ZBTB46: variants seen among roughly 807,000 people sequenced by gnomAD.
The protein encoded by ZBTB46 is zinc finger and BTB domain-containing protein 46.
In ZBTB46, 8 loss-of-function variants were observed where a neutral mutation model predicts 44.1. The observed-to-expected ratio is 0.18, with a 90% confidence interval of 0.11 to 0.33. The LOEUF (loss-of-function observed/expected upper bound fraction) is 0.33. Among genes scored for constraint, ZBTB46 ranks in the 10% least tolerant of loss-of-function variants. The pLI, the probability that ZBTB46 is intolerant of heterozygous loss-of-function variation, is 1.00. For missense variants in ZBTB46, 651 were observed against 847.7 expected (o/e 0.77, Z 2.88); for synonymous variants, 409 against 382.3 (o/e 1.07, Z -0.81).
In ZBTB46 at chr20:63,745,824, AAAAG is replaced by A. The variant is rs1395701346; in HGVS notation, c.*1102_*1105del. 3 of 152,520 alleles carry A rather than the reference AAAAG, an allele frequency of 2.0e-5. No homozygotes were observed. Among genetic ancestry groups the A allele is most frequent in the South Asian group, 2.1e-4 (1 of 4,832 alleles). 9.4% of individuals were successfully genotyped at this position (152,520 alleles called of 1,614,324 possible). On this transcript the variant is annotated 3_prime_UTR_variant, in exon 5 of 5. Coordinates refer to ENST00000245663, the MANE Select transcript of ZBTB46 (RefSeq NM_001369741.1). ...GTGGGACCTTTGCTTTTCACTCAGG[AAAAG>A]AAAGAACATGTGAGTGCTTCTGAAA...
chr20:63,764,517 G>A lies in ZBTB46; in HGVS notation c.1222+11161C>T, dbSNP rs558649811. On this transcript the variant is annotated intron_variant, in intron 3 of 4. Coordinates refer to ENST00000245663, the MANE Select transcript of ZBTB46 (RefSeq NM_001369741.1). ...ATCTTTTGCTTTCCAGTACTTCAAA[G>A]ACGTCATTCATTGTCTTCTAGCTTC... 2.6e-5 allele frequency among the ~76,000 whole-genome samples: 4 copies of A among 152,154 alleles called. No homozygotes were observed. The South Asian group carries it at 8.3e-4, about 32-fold the overall frequency.
chr20:63,751,169 A>G (rs922325600), intron 4 of ZBTB46, among the ~76,000 whole-genome samples: 1 of 127,340 alleles, frequency 7.9e-6, no homozygotes, highest in Non-Finnish European at 1.6e-5. Context: ...TTGTAAGATC[A>G]GCCCTGTGGC....
chr20:63,759,507 G>A (rs985253790), intron 3 of ZBTB46, among the ~76,000 whole-genome samples: 1 of 152,184 alleles, frequency 6.6e-6, no homozygotes, highest in Non-Finnish European at 1.5e-5. Flanking sequence ...TCACAGGCAT[G>A]AGCCACAGTG....
chr20:63,769,576 C>G (rs933596973), intron 3 of ZBTB46, among the ~76,000 whole-genome samples: 1 of 152,202 alleles, frequency 6.6e-6, no homozygotes, highest in Non-Finnish European at 1.5e-5. Context: ...AGGTCTCCAC[C>G]CATGACTTCT....
At chr20:63,791,001 G>A (rs969540545) in intron 1 of ZBTB46, 1 of 591,444 alleles carries the variant, frequency 1.7e-6, no homozygotes, top group South Asian at 2.8e-5. Context: ...TGCGTCCAGG[G>A]TGGGACGTCT....
At chr20:63,780,303 C>T (rs944972025) in intron 2 of ZBTB46, among the ~76,000 whole-genome samples, 2 of 151,536 alleles carry the variant, frequency 1.3e-5, no homozygotes, top group Non-Finnish European at 2.9e-5. Context: ...AAGAAATTCT[C>T]ATTAATTTTA....
intron 3 of ZBTB46, among the ~76,000 whole-genome samples, chr20:63,756,463 C>T (rs1190087388): frequency 3.3e-5 from 5 of 152,198 alleles, no homozygotes; most frequent in Non-Finnish European, 7.3e-5. Context: ...GAAAGGGATC[C>T]AAACATCAAC....
intron 1 of ZBTB46, among the ~76,000 whole-genome samples, chr20:63,812,515 G>A (rs1446261221): frequency 1.3e-5 from 2 of 150,954 alleles, no homozygotes; most frequent in East Asian, 1.9e-4. Flanking sequence ...TGTGGTGCGC[G>A]CCTATAATCC....
intron 3 of ZBTB46, among the ~76,000 whole-genome samples, chr20:63,757,743 A>G (rs1264511564): frequency 6.6e-6 from 1 of 152,114 alleles, no homozygotes; most frequent in Admixed American, 6.5e-5. Context: ...TTCCCCTCCC[A>G]GTTCCTAGAG....
Position 63,767,260 on chromosome 20 carries a change from T to C in ZBTB46, c.1222+8418A>G, listed in dbSNP as rs1345902412. On this transcript the variant is annotated intron_variant, in intron 3 of 4. Coordinates refer to ENST00000245663, the MANE Select transcript of ZBTB46 (RefSeq NM_001369741.1). This position sits in a 1 kb window ranked among gnomAD's most constrained non-coding sequence, Gnocchi z 5.0. ...GCTCCACTTCCCACGGATGGGGACA[T>C]GTTTTCCCGCCCCTGAAAGCCCCCC... 6.6e-6 allele frequency among the ~76,000 whole-genome samples: 1 copy of C among 151,972 alleles called. No individual in the cohort carries two copies. The highest frequency in any genetic ancestry group is 1.5e-5 in the Non-Finnish European group (1 of 67,960).
At chr20:63,815,291 GTGGGCAAAGGTGCAGTGGGTGCAGA>G (rs2092742298) in intron 1 of ZBTB46, 1 of 285,988 alleles carries the variant, frequency 3.5e-6, no homozygotes, top group Admixed American at 5.3e-5. Context: ...TGCAGGTGCA[GTGGGCAAAGGTGCAGTGGGTGCAGA>G]TGGGCACAGG....
intron 4 of ZBTB46, among the ~76,000 whole-genome samples, chr20:63,747,893 C>G (rs944863424): frequency 6.6e-6 from 1 of 152,220 alleles, no homozygotes. Context: ...GCCTAAAAGC[C>G]TGGCTTCCTC....
intron 3 of ZBTB46, among the ~76,000 whole-genome samples, chr20:63,773,619 TG>T (rs771952668): frequency 6.7e-5 from 10 of 149,616 alleles, no homozygotes; most frequent in Admixed American, 1.3e-4. Flanking sequence ...GAGGGAGGCC[TG>T]GGATCCCCCT....
intron 1 of ZBTB46, among the ~76,000 whole-genome samples, chr20:63,798,999 T>G (rs2145969761): frequency 6.6e-6 from 1 of 152,194 alleles, no homozygotes; most frequent in Admixed American, 6.6e-5. Flanking sequence ...TTAACTCACC[T>G]ACTCTAAGAA....
chr20:63,810,810 A>T (rs141465649), intron 1 of ZBTB46, among the ~76,000 whole-genome samples: 1 of 152,348 alleles, frequency 6.6e-6, no homozygotes, highest in African/African-American at 2.4e-5. Flanking sequence ...GCACAGATGC[A>T]GGGTAGGATG....
chr20:63,811,999 G>A (rs1457439254), intron 1 of ZBTB46, among the ~76,000 whole-genome samples: 2 of 152,122 alleles, frequency 1.3e-5, no homozygotes, highest in Admixed American at 6.6e-5. Flanking sequence ...CAAAAGAACT[G>A]ACCCTGCAGA....
chr20:63,796,088 C>G lies in ZBTB46; in HGVS notation c.-33-5298G>C, dbSNP rs1005458905. 3.9e-5 allele frequency among the ~76,000 whole-genome samples: 6 copies of G among 152,198 alleles called. 1 individual carries two copies. Among genetic ancestry groups the G allele is most frequent in the South Asian group, 4.1e-4 (2 of 4,824 alleles). Reference sequence around the variant, plus strand: ...ACGCAGACCAAGGAAATCTGAAGACCGCGATGAATATACTCCATTTGCTGC... The same window carrying G: ...ACGCAGACCAAGGAAATCTGAAGACGGCGATGAATATACTCCATTTGCTGC... On this transcript the variant is annotated intron_variant, in intron 1 of 4. Coordinates refer to ENST00000245663, the MANE Select transcript of ZBTB46 (RefSeq NM_001369741.1).
intron 3 of ZBTB46, among the ~76,000 whole-genome samples, chr20:63,758,555 C>T (rs1014967747): frequency 2.0e-5 from 3 of 151,862 alleles, no homozygotes; most frequent in African/African-American, 7.3e-5. Flanking sequence ...CCTACGACAC[C>T]AGATTAACAC....
At chr20:63,749,076 G>A (rs972877644) in intron 4 of ZBTB46, among the ~76,000 whole-genome samples, 3 of 152,242 alleles carry the variant, frequency 2.0e-5, no homozygotes, top group African/African-American at 4.8e-5. Context: ...AGAGGTGCCT[G>A]TAACTTCTTC....
Sources: gnomAD v4.1 joint callset for allele counts (sites outside exome capture counted in the v4.1 genomes callset) on GRCh38, gnomAD v4.1.1 for gene constraint, Gnocchi (gnomAD v3.1) non-coding constraint, MANE v1.5 for transcripts, NCBI Gene and HGNC (gene_info 2026-07-23, HGNC 2026-07-21) for gene names.